The following FA2H variants were observed in gnomAD, a reference collection of about 807,000 sequenced individuals.
FA2H encodes fatty acid alpha-hydroxylase.
In FA2H, 22 loss-of-function variants were observed where a neutral mutation model predicts 44.9. The ratio of observed to expected loss-of-function variants is 0.49; its 90% confidence interval spans 0.35 to 0.70. FA2H has a LOEUF of 0.70. FA2H is among the 30% of genes least tolerant of loss of function. The probability of loss-of-function intolerance (pLI) is 0.01; values close to 1 mark genes in which losing one functional copy is unlikely to be tolerated. For synonymous variants in FA2H, 243 were observed against 213.2 expected, an observed-to-expected ratio of 1.14 and a Z score of -1.22; for missense variants, 501 against 504.9, an observed-to-expected ratio of 0.99 and a Z score of 0.07.
At chr16:74,760,531 G>A (rs577739895) in intron 1 of FA2H, among the ~76,000 whole-genome samples, 4 of 152,300 alleles carry the variant, frequency 2.6e-5, no homozygotes, top group African/African-American at 9.6e-5. Flanking sequence ...GGAGTGATCC[G>A]CTGATTGATC....
Position 74,774,679 on chromosome 16 carries a change from C to T in FA2H, c.77G>A (p.Trp26Ter). The change falls in exon 1 of 7, where the codon TGG (tryptophan) becomes TAG (stop). Residue 26 changes from tryptophan to a stop codon, truncating the protein, a stop_gained. Coordinates refer to ENST00000219368, the MANE Select transcript of FA2H (RefSeq NM_024306.5). LOFTEE classifies it high-confidence loss of function. ...VQRRLAAGAC[W>*]VRRGARLYDL... ...GTAGAGGCGGGCCCCGCGGCGGACC[C>T]AGCACGCGCCGGCCGCCAGGCGCCG... is the stretch of plus-strand genomic sequence containing the variant. 7.1e-7 allele frequency: 1 copy of T among 1,399,304 alleles called. No homozygotes were observed. The highest frequency in any genetic ancestry group is 9.2e-7 in the Non-Finnish European group (1 of 1,081,774). 86.7% of individuals were successfully genotyped at this position (1,399,304 alleles called of 1,614,324 possible).
intron 2 of FA2H, among the ~76,000 whole-genome samples, chr16:74,734,849 T>C (rs1445887784): frequency 1.3e-5 from 2 of 152,206 alleles, no homozygotes; most frequent in Non-Finnish European, 2.9e-5. Flanking sequence ...GCAGCACTGC[T>C]CACCCCCACA....
At chr16:74,718,329 G>A (rs1443090418) in intron 5 of FA2H, among the ~76,000 whole-genome samples, 3 of 152,158 alleles carry the variant, frequency 2.0e-5, no homozygotes, top group African/African-American at 7.2e-5. Context: ...GCCTGGGATG[G>A]GCCAAGGACA....
intron 1 of FA2H, chr16:74,741,146 A>ACGTAAGTGAAACCCATGCTGCCC (rs1276634990): frequency 2.0e-5 from 3 of 152,256 alleles, no homozygotes; most frequent in Non-Finnish European, 4.4e-5. Context: ...GCAGGCTGGC[A>ACGTAAGTGAAACCCATGCTGCCC]CGTAAGTGAA....
At chr16:74,753,886 G>A (rs1289350574) in intron 1 of FA2H, among the ~76,000 whole-genome samples, 1 of 152,154 alleles carries the variant, frequency 6.6e-6, no homozygotes, top group Non-Finnish European at 1.5e-5. Context: ...TTGGAGGGTG[G>A]CCTTATAATC....
At chr16:74,752,331 T>C (rs1467415227) in intron 1 of FA2H, among the ~76,000 whole-genome samples, 1 of 152,120 alleles carries the variant, frequency 6.6e-6, no homozygotes, top group Non-Finnish European at 1.5e-5. Context: ...CCCTTGGTTC[T>C]CAGCATAAAA....
intron 1 of FA2H, among the ~76,000 whole-genome samples, chr16:74,770,546 T>C (rs1962887265): frequency 6.6e-6 from 1 of 152,182 alleles, no homozygotes; most frequent in Admixed American, 6.5e-5. Context: ...ACCCAGCTAA[T>C]TTTTTGTAGA....
At chr16:74,741,168 C>T (rs1962287782) in intron 1 of FA2H, 1 of 152,200 alleles carries the variant, frequency 6.6e-6, no homozygotes, top group African/African-American at 2.4e-5. Context: ...CCCATGCTGC[C>T]CCGAAGGAGG....
At chr16:74,755,448 T>C (rs960528808) in intron 1 of FA2H, among the ~76,000 whole-genome samples, 2 of 152,112 alleles carry the variant, frequency 1.3e-5, no homozygotes, top group Non-Finnish European at 2.9e-5. Context: ...CCAAAGTGCA[T>C]TTCTGTTGTT....
chr16:74,716,420 C>G lies in FA2H; in HGVS notation c.966G>C (p.Ser322=), dbSNP rs766614299. 3 of 1,613,838 alleles carry G rather than the reference C, an allele frequency of 1.9e-6. No homozygotes were observed. The highest frequency in any genetic ancestry group is 2.5e-6 in the Non-Finnish European group (3 of 1,179,996). The change falls in exon 6 of 7, where the codon TCG becomes TCC. Residue 322 remains serine, a synonymous_variant. Transcript: ENST00000219368. ...DMTHYYLHFG[S]PHKGSYLYSL... is the part of the protein sequence containing the mutation. ...TGTACAGGTAGGAGCCCTTGTGCGG[C>G]GAGCCAAAGTGCAGGTAGTAATGGG... is the stretch of plus-strand genomic sequence containing the variant.
At chr16:74,716,843 C>G (rs1004426356) in intron 5 of FA2H, 106 of 282,702 alleles carry the variant, frequency 3.7e-4, no homozygotes, top group East Asian at 6.4e-4. Context: ...ATGGGATGGG[C>G]GGGATGGGCA....
intron 1 of FA2H, among the ~76,000 whole-genome samples, chr16:74,769,980 C>T (rs1360968793): frequency 6.6e-6 from 1 of 152,218 alleles, no homozygotes; most frequent in Non-Finnish European, 1.5e-5. Flanking sequence ...TGTGTACCTA[C>T]AGAGGGTGCA....
chr16:74,757,838 A>T (rs1255682218), intron 1 of FA2H, among the ~76,000 whole-genome samples: 6 of 152,082 alleles, frequency 3.9e-5, no homozygotes, highest in Non-Finnish European at 8.8e-5. Context: ...GCAACATGGC[A>T]AAACCCTGTC....
intron 1 of FA2H, among the ~76,000 whole-genome samples, chr16:74,766,571 C>T (rs1962812400): frequency 6.6e-6 from 1 of 151,814 alleles, no homozygotes; most frequent in African/African-American, 2.4e-5. Context: ...GAGACTGCGA[C>T]AATAGTGAGT....
At position 74,774,554 on chromosome 16, in the gene FA2H, T is replaced by A; in HGVS notation, c.202A>T (p.Arg68Trp). Residue 68 changes from arginine (R) to tryptophan (W), a missense_variant, in exon 1 of 7, where the codon AGG becomes TGG. Physicochemically the swap from Arg to Trp is moderately radical, Grantham distance 101. Coordinates refer to ENST00000219368, the MANE Select transcript of FA2H (RefSeq NM_024306.5). Reference sequence around the variant, plus strand: ...CAGCGGCGCGCGTTGGCCGAGTGCCTGTGCGGCGGCCCGTCCAGGTCGGCG... The same window carrying A: ...CAGCGGCGCGCGTTGGCCGAGTGCCAGTGCGGCGGCCCGTCCAGGTCGGCG... The part of the protein sequence containing the change: ...ISADLDGPPH[R>W]HSANARRWLE... 6.5e-7 allele frequency: 1 copy of A among 1,545,336 alleles called. No individual in the cohort carries two copies. Among genetic ancestry groups the A allele is most frequent in the Non-Finnish European group, 8.6e-7 (1 of 1,156,182 alleles).
At chr16:74,723,486 C>T (rs936251035) in intron 4 of FA2H, among the ~76,000 whole-genome samples, 1 of 152,222 alleles carries the variant, frequency 6.6e-6, no homozygotes, top group Non-Finnish European at 1.5e-5. Context: ...ACAGTCCCCA[C>T]CGTGAACACC....
intron 4 of FA2H, among the ~76,000 whole-genome samples, chr16:74,722,652 C>T (rs1259289522): frequency 6.6e-6 from 1 of 152,084 alleles, no homozygotes; most frequent in Non-Finnish European, 1.5e-5. Flanking sequence ...GTGGCTCATG[C>T]CTGTAATTGC....
At chr16:74,743,792 G>T (rs923417293) in intron 1 of FA2H, among the ~76,000 whole-genome samples, 14 of 152,130 alleles carry the variant, frequency 9.2e-5, no homozygotes, top group Non-Finnish European at 1.8e-4. Flanking sequence ...GGCTTCATTG[G>T]GACCACACCC....
intron 4 of FA2H, among the ~76,000 whole-genome samples, chr16:74,721,084 A>G (rs947763412): frequency 1.3e-5 from 2 of 152,154 alleles, no homozygotes; most frequent in African/African-American, 4.8e-5. Context: ...CAAGCCCAGG[A>G]GTGGTACTGT....
Sources: gnomAD v4.1 joint callset for allele counts (sites outside exome capture counted in the v4.1 genomes callset) on GRCh38, gnomAD v4.1.1 for gene constraint, MANE v1.5 for transcripts, NCBI Gene and HGNC (gene_info 2026-07-23, HGNC 2026-07-21) for gene names.